LRRC37A2: variants seen among roughly 807,000 people sequenced by gnomAD.
LRRC37A2 encodes leucine rich repeat containing 37 member A2, also known as leucine-rich repeat-containing protein 37A2.
A neutral mutation model predicts 68.8 loss-of-function variants in LRRC37A2; 9 were observed. The ratio of observed to expected loss-of-function variants is 0.13; its 90% CI spans 0.08 to 0.23. LRRC37A2 has a LOEUF of 0.23. LRRC37A2 is among the 10% of genes least tolerant of loss of function. The pLI is 1.00. For synonymous variants in LRRC37A2, 63 were observed against 367.6 expected (o/e 0.17, Z 9.48); for missense variants, 168 against 950.4 (o/e 0.18, Z 10.82).
chr17:46,992,367 C>T, the LRRC37A2 span, among the ~76,000 whole-genome samples: 26 of 151,014 alleles, frequency 1.7e-4, no homozygotes, highest in Middle Eastern at 3.5e-3. Context: ...GACTCCGTCT[C>T]GGGAAAAAAA....
the LRRC37A2 span, among the ~76,000 whole-genome samples, chr17:46,922,349 G>A: frequency 6.6e-6 from 1 of 152,020 alleles, no homozygotes; most frequent in Non-Finnish European, 1.5e-5. Flanking sequence ...GGGGAGAGGG[G>A]GAAGGGATAG....
At chr17:46,927,213 T>A in the LRRC37A2 span, among the ~76,000 whole-genome samples, 8 of 152,034 alleles carry the variant, frequency 5.3e-5, no homozygotes, top group African/African-American at 1.9e-4. Flanking sequence ...TTTTTTCATT[T>A]AAAAAAAATG....
At chr17:47,012,444 G>A in the LRRC37A2 span, among the ~76,000 whole-genome samples, 1 of 151,504 alleles carries the variant, frequency 6.6e-6, no homozygotes, top group African/African-American at 2.4e-5. Context: ...GAAAGTGAAA[G>A]GCAACCCACA....
At chr17:46,996,742 C>T in the LRRC37A2 span, among the ~76,000 whole-genome samples, 1 of 152,246 alleles carries the variant, frequency 6.6e-6, no homozygotes, top group Non-Finnish European at 1.5e-5. Flanking sequence ...AACTCCTGGC[C>T]TCAAGCAAGC....
chr17:46,848,447 A>G, the LRRC37A2 span, among the ~76,000 whole-genome samples: 3 of 152,250 alleles, frequency 2.0e-5, no homozygotes, highest in African/African-American at 7.2e-5. Flanking sequence ...CCAGCCCTTC[A>G]GGAGCCCACA....
At chr17:46,893,714 A>G in the LRRC37A2 span, among the ~76,000 whole-genome samples, 1 of 152,156 alleles carries the variant, frequency 6.6e-6, no homozygotes, top group Non-Finnish European at 1.5e-5. Context: ...CCTGAAAAAA[A>G]CAAACTGGAA....
At chr17:47,020,754 C>T in the LRRC37A2 span, among the ~76,000 whole-genome samples, 1 of 84,806 alleles carries the variant, frequency 1.2e-5, no homozygotes, top group Admixed American at 1.8e-4. Context: ...TGCACTCCAG[C>T]CTGGGTGACA....
At chr17:46,784,967 CG>C in the LRRC37A2 span, among the ~76,000 whole-genome samples, 1 of 151,950 alleles carries the variant, frequency 6.6e-6, no homozygotes, top group Admixed American at 6.6e-5. Flanking sequence ...TTAGTAGAGA[CG>C]GGGTTTCACT....
the LRRC37A2 span, among the ~76,000 whole-genome samples, chr17:46,869,769 C>T: frequency 1.3e-5 from 2 of 152,242 alleles, no homozygotes; most frequent in East Asian, 1.9e-4. Flanking sequence ...GAGGCTGAGG[C>T]GGGCAGGTCA....
At chr17:46,623,386 A>G in the LRRC37A2 span, among the ~76,000 whole-genome samples, 1 of 26,712 alleles carries the variant, frequency 3.7e-5, no homozygotes, top group Non-Finnish European at 5.9e-5. Context: ...GTCATAGACT[A>G]TGACTACCTG....
At chr17:46,695,547 CCACCTGTA>C in the LRRC37A2 span, among the ~76,000 whole-genome samples, 2 of 100,500 alleles carry the variant, frequency 2.0e-5, no homozygotes, top group African/African-American at 4.3e-5. Context: ...GTTTTAGTTA[CCACCTGTA>C]GACAGATTTA....
At chr17:46,490,512 C>G in the LRRC37A2 span, among the ~76,000 whole-genome samples, 3 of 151,008 alleles carry the variant, frequency 2.0e-5, no homozygotes, top group Middle Eastern at 3.4e-3. Context: ...TGCCTGAGCT[C>G]GAGAGTTGGA....
At chr17:46,873,724 T>C in the LRRC37A2 span, among the ~76,000 whole-genome samples, 4 of 150,294 alleles carry the variant, frequency 2.7e-5, no homozygotes, top group Non-Finnish European at 4.4e-5. Flanking sequence ...AACACTGCAG[T>C]TGGCCGGTTG....
chr17:46,842,456 C>G, the LRRC37A2 span, among the ~76,000 whole-genome samples: 3 of 152,170 alleles, frequency 2.0e-5, no homozygotes, highest in Non-Finnish European at 4.4e-5. Flanking sequence ...CTCACTGCAG[C>G]CTCAAACTCC....
chr17:46,869,794 T>G, the LRRC37A2 span, among the ~76,000 whole-genome samples: 1 of 151,794 alleles, frequency 6.6e-6, no homozygotes, highest in Admixed American at 6.6e-5. Context: ...AAGTCAGGAG[T>G]TCGAAACCAG....
chr17:47,015,182 A>C, the LRRC37A2 span, among the ~76,000 whole-genome samples: 2,309 of 151,632 alleles, frequency 0.015, 39 homozygotes, highest in African/African-American at 0.054. Flanking sequence ...TAATTTTTGT[A>C]TTTTTAGTAG....
At chr17:46,773,334 C>T in the LRRC37A2 span, among the ~76,000 whole-genome samples, 1 of 152,234 alleles carries the variant, frequency 6.6e-6, no homozygotes, top group East Asian at 1.9e-4. Context: ...ACCCCCACCC[C>T]AAAGCGGTAT....
At chr17:47,035,732 G>T in the LRRC37A2 span, among the ~76,000 whole-genome samples, 2 of 152,206 alleles carry the variant, frequency 1.3e-5, no homozygotes, top group Admixed American at 1.3e-4. Flanking sequence ...TTGAGGACCT[G>T]TCAGGCTGAT....
chr17:46,534,179 T>TTTTTTG (rs1463336174), intron 6 of LRRC37A2, among the ~76,000 whole-genome samples: 170 of 148,500 alleles, frequency 1.1e-3, no homozygotes, highest in African/African-American at 4.1e-3. Context: ...ATGCCCAGTT[T>TTTTTTG]TTTTTGTTTT....
Sources: gnomAD v4.1 joint callset for allele counts (sites outside exome capture counted in the v4.1 genomes callset) on GRCh38, gnomAD v4.1.1 for gene constraint, MANE v1.5 for transcripts, NCBI Gene and HGNC (gene_info 2026-07-23, HGNC 2026-07-21) for gene names.